TSPAN9: variants seen among roughly 807,000 people sequenced by gnomAD.
TSPAN9 encodes the protein tetraspanin-9.
TSPAN9 carries 16 observed loss-of-function variants against 31.0 expected under a neutral mutation model. The observed-to-expected ratio is 0.52, with a 90% CI of 0.35 to 0.78. The LOEUF is 0.78. Ranked by LOEUF, TSPAN9 falls within the 30% of genes least tolerant of loss-of-function variation. The pLI, the probability that TSPAN9 is intolerant of heterozygous loss-of-function variation, is 0.01. For missense variants in TSPAN9, 272 were observed against 312.5 expected (o/e 0.87, Z 0.98); for synonymous variants, 145 against 121.6 (o/e 1.19, Z -1.27).
chr12:3,281,728 C>T lies in TSPAN9; in HGVS notation c.565-6C>T. 6.2e-7 allele frequency: 1 copy of T among 1,611,380 alleles called. No individual in the cohort carries two copies. The highest frequency in any genetic ancestry group is 2.2e-5 in the East Asian group (1 of 44,710). On this transcript the variant is annotated splice_polypyrimidine_tract_variant and splice_region_variant and intron_variant, in intron 7 of 8. Coordinates refer to ENST00000011898, the MANE Select transcript of TSPAN9 (RefSeq NM_006675.5). ...GGACCCTAACCTCGTGGGCCTCGCTCCCCAGGGCTGCTATGAAAAGGTGAA... is the reference window on the plus strand; with the variant it reads ...GGACCCTAACCTCGTGGGCCTCGCTTCCCAGGGCTGCTATGAAAAGGTGAA...
At chr12:3,194,268 T>A (rs549543162) in intron 2 of TSPAN9, among the ~76,000 whole-genome samples, 2 of 152,112 alleles carry the variant, frequency 1.3e-5, no homozygotes, top group African/African-American at 4.8e-5. Context: ...GTAGTTGGAG[T>A]CTGAACAAAG....
chr12:3,111,714 A>G (rs1410456619), intron 2 of TSPAN9, among the ~76,000 whole-genome samples: 1 of 151,784 alleles, frequency 6.6e-6, no homozygotes, highest in Non-Finnish European at 1.5e-5. Context: ...TCTTGGTTCA[A>G]ACAATTCTTG....
chr12:3,120,219 G>A (rs553628746), intron 2 of TSPAN9, among the ~76,000 whole-genome samples: 2 of 152,322 alleles, frequency 1.3e-5, no homozygotes, highest in South Asian at 4.1e-4. Flanking sequence ...GAGCCCTCAA[G>A]CGTGGAAAGT....
chr12:3,077,746 A>G (rs1441799996), intron 1 of TSPAN9, among the ~76,000 whole-genome samples: 1 of 152,160 alleles, frequency 6.6e-6, no homozygotes, highest in South Asian at 2.1e-4. Flanking sequence ...AGACCGTTTC[A>G]GAAAGGGAGT....
chr12:3,215,849 G>A (rs1392615062), intron 3 of TSPAN9, among the ~76,000 whole-genome samples: 3 of 151,998 alleles, frequency 2.0e-5, no homozygotes, highest in East Asian at 3.9e-4. Flanking sequence ...GGACCTCTCC[G>A]TCTGGAGCCT....
At chr12:3,109,861 T>C (rs2098317496) in intron 2 of TSPAN9, among the ~76,000 whole-genome samples, 1 of 149,068 alleles carries the variant, frequency 6.7e-6, no homozygotes, top group Admixed American at 6.7e-5. Flanking sequence ...ACCAGAGGAG[T>C]TGATGATAGC....
chr12:3,270,858 C>T (rs1862664831), intron 3 of TSPAN9, among the ~76,000 whole-genome samples: 1 of 152,232 alleles, frequency 6.6e-6, no homozygotes, highest in South Asian at 2.1e-4. Context: ...CTCTCAACTG[C>T]TAGGGGTTTT....
At chr12:3,105,810 A>G (rs535773892) in intron 2 of TSPAN9, among the ~76,000 whole-genome samples, 178 of 150,640 alleles carry the variant, frequency 1.2e-3, no homozygotes, top group African/African-American at 4.1e-3. Context: ...ACATGCGCAC[A>G]CACGCACACG....
intron 3 of TSPAN9, among the ~76,000 whole-genome samples, chr12:3,239,939 G>C (rs773545551): frequency 6.6e-6 from 1 of 152,080 alleles, no homozygotes; most frequent in Non-Finnish European, 1.5e-5. Flanking sequence ...GCATTGCCAC[G>C]ACCAGAGGTG....
At chr12:3,098,248 G>C (rs1246159990) in intron 2 of TSPAN9, among the ~76,000 whole-genome samples, 1 of 152,210 alleles carries the variant, frequency 6.6e-6, no homozygotes, top group Admixed American at 6.5e-5. Context: ...CCTGATTCCA[G>C]GAGTTGCAGG....
intron 2 of TSPAN9, among the ~76,000 whole-genome samples, chr12:3,093,415 C>T (rs1196040278): frequency 6.6e-6 from 1 of 152,160 alleles, no homozygotes; most frequent in Non-Finnish European, 1.5e-5. Flanking sequence ...TGGTCTCCAG[C>T]TCACCCATAA....
At chr12:3,261,242 G>T (rs184740806) in intron 3 of TSPAN9, among the ~76,000 whole-genome samples, 3 of 152,208 alleles carry the variant, frequency 2.0e-5, no homozygotes, top group Non-Finnish European at 2.9e-5. Context: ...TACTGACTCC[G>T]CATTAGGCTG....
chr12:3,242,744 T>C (rs549609326), intron 3 of TSPAN9, among the ~76,000 whole-genome samples: 31 of 152,308 alleles, frequency 2.0e-4, no homozygotes, highest in Non-Finnish European at 3.7e-4. Flanking sequence ...CCTGAACATA[T>C]TGTGGAGCCT....
At chr12:3,236,740 AT>A (rs1024303415) in intron 3 of TSPAN9, among the ~76,000 whole-genome samples, 1 of 152,016 alleles carries the variant, frequency 6.6e-6, no homozygotes, top group African/African-American at 2.4e-5. Flanking sequence ...GCGGTGGGGT[AT>A]TTTTGGTAGC....
intron 3 of TSPAN9, among the ~76,000 whole-genome samples, chr12:3,218,268 T>TGG (rs2098382408): frequency 6.6e-6 from 1 of 152,172 alleles, no homozygotes; most frequent in South Asian, 2.1e-4. Context: ...AAAGGACAGA[T>TGG]GGGGAGTGAG....
intron 2 of TSPAN9, among the ~76,000 whole-genome samples, chr12:3,148,002 G>T (rs188334845): frequency 1.4e-4 from 21 of 152,316 alleles, no homozygotes; most frequent in African/African-American, 4.6e-4. Context: ...CTGGATAGGG[G>T]AGAAGGAGGA....
intron 3 of TSPAN9, among the ~76,000 whole-genome samples, chr12:3,233,654 G>T (rs928339514): frequency 2.6e-5 from 4 of 152,150 alleles, no homozygotes; most frequent in Non-Finnish European, 4.4e-5. Flanking sequence ...ATATTTCATT[G>T]TGTGTTCATT....
Position 3,241,710 on chromosome 12 carries a change from G to A in TSPAN9, c.64-36711G>A, listed in dbSNP as rs571079163. ...GTGTGGGCTCTGAGCCGTGACAGGC[G>A]CTGACCTTGGGTGGAGGTCCCGGCC... On this transcript the variant is annotated intron_variant, in intron 3 of 8. Transcript: ENST00000011898. Among the ~76,000 whole-genome samples, 220 of 152,316 alleles carry A rather than the reference G, an allele frequency of 1.4e-3. 1 individual carries two copies. The highest frequency in any genetic ancestry group is 5.1e-3 in the African/African-American group (213 of 41,576).
At chr12:3,133,502 G>A (rs957804794) in intron 2 of TSPAN9, among the ~76,000 whole-genome samples, 4 of 152,270 alleles carry the variant, frequency 2.6e-5, no homozygotes, top group Non-Finnish European at 1.5e-5. Flanking sequence ...TCACAGGAGA[G>A]CCTTGGTATG....
Sources: gnomAD v4.1 joint callset for allele counts (sites outside exome capture counted in the v4.1 genomes callset) on GRCh38, gnomAD v4.1.1 for gene constraint, MANE v1.5 for transcripts, NCBI Gene and HGNC (gene_info 2026-07-23, HGNC 2026-07-21) for gene names.